The following TTLL5 variants were observed in gnomAD, a reference collection of about 807,000 sequenced individuals.
The protein encoded by TTLL5 is tubulin tyrosine ligase like 5, also known as tubulin polyglutamylase TTLL5.
In TTLL5, 132 loss-of-function variants were observed where a neutral mutation model predicts 168.4. The observed-to-expected ratio is 0.78, with a 90% CI of 0.68 to 0.91. The LOEUF (loss-of-function observed/expected upper bound fraction) is 0.91, where lower values mean the gene tolerates loss of function less well. TTLL5 is among the 40% of genes least tolerant of loss of function. TTLL5 has a pLI of 0.00. For missense variants in TTLL5, 1,545 were observed against 1,581.5 expected (o/e 0.98, Z 0.39); for synonymous variants, 546 against 558.6 (o/e 0.98, Z 0.32).
At chr14:75,796,278 T>A (rs1892991936) in intron 27 of TTLL5, among the ~76,000 whole-genome samples, 1 of 152,196 alleles carries the variant, frequency 6.6e-6, no homozygotes, top group Admixed American at 6.5e-5. Context: ...ATGGAATTAT[T>A]TTTTTCTTGC....
intron 9 of TTLL5, among the ~76,000 whole-genome samples, chr14:75,708,546 C>T (rs528163757): frequency 3.8e-4 from 57 of 151,964 alleles, no homozygotes; most frequent in Middle Eastern, 6.8e-3. Context: ...AGGATGGTCT[C>T]GATCTCCTGA....
chr14:75,954,667 T>G lies in TTLL5; in HGVS notation c.*221T>G. 1 of 595,144 alleles carries G rather than the reference T, an allele frequency of 1.7e-6. No homozygotes were observed. Among genetic ancestry groups the G allele is most frequent in the East Asian group, 2.8e-5 (1 of 36,196 alleles). The allele number at this position is 595,144 out of a possible 1,614,324, so 36.9% of individuals were successfully genotyped here. A position where few individuals can be genotyped will look rare whatever the true frequency, so the allele number is the denominator to read the frequency against. On this transcript the variant is annotated 3_prime_UTR_variant, in exon 32 of 32. Coordinates refer to ENST00000298832, the MANE Select transcript of TTLL5 (RefSeq NM_015072.5). Reference sequence around the variant, plus strand: ...CAGATCTTCTGGGTTTTGATGGAACTTGGCAGTGGGGACATTCAGCTGATG... The same window carrying G: ...CAGATCTTCTGGGTTTTGATGGAACGTGGCAGTGGGGACATTCAGCTGATG...
intron 29 of TTLL5, among the ~76,000 whole-genome samples, chr14:75,866,621 A>G (rs1276881139): frequency 6.6e-6 from 1 of 152,218 alleles, no homozygotes; most frequent in Non-Finnish European, 1.5e-5. Flanking sequence ...CTCATTGTGT[A>G]CATAGGAAGT....
At chr14:75,878,162 C>G (rs1241166978) in intron 29 of TTLL5, among the ~76,000 whole-genome samples, 1 of 152,008 alleles carries the variant, frequency 6.6e-6, no homozygotes, top group African/African-American at 2.4e-5. Flanking sequence ...GAGGCTTAGG[C>G]AAGCTTGAAT....
intron 28 of TTLL5, 141 bp downstream of exon 28, chr14:75,820,302 CCTGA>C (rs1894752904): frequency 9.5e-6 from 8 of 843,358 alleles, no homozygotes; most frequent in Non-Finnish European, 1.1e-5. Flanking sequence ...TCCTCTGGCA[CCTGA>C]CTAAGAGAGC....
chr14:75,674,097 C>T (rs1883960703), intron 3 of TTLL5, among the ~76,000 whole-genome samples: 1 of 152,202 alleles, frequency 6.6e-6, no homozygotes, highest in African/African-American at 2.4e-5. Flanking sequence ...CCATCAATGT[C>T]ATCTATTTAA....
chr14:75,910,807 T>C (rs1481706902), intron 31 of TTLL5, among the ~76,000 whole-genome samples: 1 of 152,212 alleles, frequency 6.6e-6, no homozygotes, highest in African/African-American at 2.4e-5. Context: ...TTCTTTCAAA[T>C]TGTGATTATA....
At chr14:75,783,655 T>A in intron 26 of TTLL5, 125 bp downstream of exon 26, 4 of 1,305,924 alleles carry the variant, frequency 3.1e-6, no homozygotes, top group Non-Finnish European at 4.1e-6. Flanking sequence ...CACACTGCAT[T>A]GTTCTGACGT....
chr14:75,712,274 T>C (rs542060552), intron 9 of TTLL5: 3 of 152,012 alleles, frequency 2.0e-5, no homozygotes, highest in East Asian at 1.9e-4. Flanking sequence ...TGTCTCTTCA[T>C]TGTCCAGGCC....
At chr14:75,773,085 A>C (rs752047209) in intron 21 of TTLL5, among the ~76,000 whole-genome samples, 3 of 152,204 alleles carry the variant, frequency 2.0e-5, no homozygotes, top group Non-Finnish European at 4.4e-5. Flanking sequence ...AGTCCTCCAC[A>C]TACAAAAGGC....
At chr14:75,850,406 CAAAAA>C (rs35336374) in intron 28 of TTLL5, among the ~76,000 whole-genome samples, 3 of 91,292 alleles carry the variant, frequency 3.3e-5, no homozygotes, top group Admixed American at 1.3e-4. Context: ...AACTCCGTCT[CAAAAA>C]AAAAAAAAAA....
intron 31 of TTLL5, among the ~76,000 whole-genome samples, chr14:75,936,568 T>C (rs957518697): frequency 6.6e-5 from 10 of 152,182 alleles, no homozygotes; most frequent in Non-Finnish European, 1.0e-4. Context: ...GCATCTTCCA[T>C]CTTATTCTTT....
At chr14:75,737,711 A>AT (rs538418215) in intron 15 of TTLL5, 18,734 of 1,204,152 alleles carry the variant, frequency 0.016, 198 homozygotes, top group Middle Eastern at 0.03. Context: ...TTATGTACCT[A>AT]TTTTTTTGCG....
intron 31 of TTLL5, among the ~76,000 whole-genome samples, chr14:75,903,655 A>G (rs2033020239): frequency 6.6e-6 from 1 of 152,012 alleles, no homozygotes; most frequent in Non-Finnish European, 1.5e-5. Context: ...TATAATCGCA[A>G]TGCTTTGGAA....
At chr14:75,922,712 G>A (rs530293395) in intron 31 of TTLL5, among the ~76,000 whole-genome samples, 28 of 151,960 alleles carry the variant, frequency 1.8e-4, no homozygotes, top group South Asian at 4.2e-4. Flanking sequence ...TGTCTCTGCG[G>A]GGCTTTGGTA....
intron 28 of TTLL5, among the ~76,000 whole-genome samples, chr14:75,825,745 A>G (rs1230371942): frequency 6.6e-6 from 1 of 152,128 alleles, no homozygotes; most frequent in Non-Finnish European, 1.5e-5. Flanking sequence ...CTTCTCTTTC[A>G]TAAAATAAAG....
intron 28 of TTLL5, among the ~76,000 whole-genome samples, chr14:75,851,175 CATT>C (rs930796749): frequency 1.4e-5 from 2 of 144,756 alleles, no homozygotes; most frequent in African/African-American, 5.1e-5. Context: ...ATGTTCATAA[CATT>C]ATCAGATGAA....
chr14:75,763,377 T>C (rs541746411), intron 18 of TTLL5, among the ~76,000 whole-genome samples: 109 of 152,164 alleles, frequency 7.2e-4, no homozygotes, highest in African/African-American at 2.4e-3. Context: ...AGGACCTTCC[T>C]GTTTTTGGCT....
chr14:75,760,079 C>T (rs917509027), intron 18 of TTLL5, among the ~76,000 whole-genome samples: 3 of 151,938 alleles, frequency 2.0e-5, no homozygotes, highest in Non-Finnish European at 2.9e-5. Context: ...TTGGATGACA[C>T]GATCAGGTTA....
Sources: gnomAD v4.1 joint callset for allele counts (sites outside exome capture counted in the v4.1 genomes callset) on GRCh38, gnomAD v4.1.1 for gene constraint, MANE v1.5 for transcripts, NCBI Gene and HGNC (gene_info 2026-07-23, HGNC 2026-07-21) for gene names.